Variants in DNAAF6 observed in about 807,000 individuals in gnomAD.
The protein encoded by DNAAF6 is PIH1 domain containing 3.
Under a neutral mutation model 13.7 loss-of-function variants are expected in DNAAF6, and 3 were observed. That is an observed-to-expected ratio of 0.22 (90% CI 0.10 to 0.56). The LOEUF is 0.56. Among genes scored for constraint, DNAAF6 ranks in the 20% least tolerant of loss-of-function variants. DNAAF6 has a pLI of 0.92. For missense variants in DNAAF6, 130 were observed against 151.0 expected (o/e 0.86, Z 0.73); for synonymous variants, 54 against 49.2 (o/e 1.10, Z -0.41).
Position 107,227,475 on chromosome X carries a change from G to A in DNAAF6, c.429+4634G>A, listed in dbSNP as rs946226798. On this transcript the variant is annotated intron_variant, in intron 5 of 6. Coordinates refer to ENST00000372453, the MANE Select transcript of DNAAF6 (RefSeq NM_173494.2). The stretch of plus-strand genomic sequence containing the variant: ...GTTCTCCATTCTATTCCCCTCTAGA[G>A]GATGGACCTAGTTTTTTTTTTTTGG... Among the ~76,000 whole-genome samples, 3 of 110,551 alleles carry A rather than the reference G, an allele frequency of 2.7e-5. No homozygotes were observed. In the Admixed American group the frequency reaches 2.9e-4, roughly 11 times the overall value.
chrX:107,216,755 A>T lies in DNAAF6; in HGVS notation c.226+12A>T. The T allele has an allele frequency of 8.7e-7, 1 of 1,144,743 alleles. No individual in the cohort carries two copies. Among genetic ancestry groups the T allele is most frequent in the African/African-American group, 1.8e-5 (1 of 56,296 alleles). 94.3% of individuals were successfully genotyped at this position (1,144,743 alleles called of 1,213,427 possible). On this transcript the variant is annotated intron_variant, in intron 3 of 6. Coordinates refer to ENST00000372453, the MANE Select transcript of DNAAF6 (RefSeq NM_173494.2). ...AGAAGAGCTCAAAGGTAAGTTATTTAACAAAGCAATATAGATCAATATAAT... is the reference window on the plus strand; with the variant it reads ...AGAAGAGCTCAAAGGTAAGTTATTTTACAAAGCAATATAGATCAATATAAT...
chrX:107,222,987 TAGAC>T (rs1928181156), intron 5 of DNAAF6, 146 bp downstream of exon 5: 1 of 749,946 alleles, frequency 1.3e-6, no homozygotes, highest in Non-Finnish European at 1.8e-6. Context: ...AACAATGGGA[TAGAC>T]AGTTTAAAAT....
intron 6 of DNAAF6, among the ~76,000 whole-genome samples, chrX:107,241,997 T>C (rs942988151): frequency 4.5e-5 from 5 of 112,302 alleles, no homozygotes; most frequent in Non-Finnish European, 7.5e-5. Context: ...GAAATCTAAG[T>C]CTAGCACAAC....
At position 107,218,746 on chromosome X, in the gene DNAAF6, T is replaced by C. The variant is rs749318156; in HGVS notation, c.227-118T>C. Reference sequence around the variant, plus strand: ...GTTTGTTTTGATCAAAAAAAAAAGCTAGCGATTACAAATAATGTTTTATTT... The same window carrying C: ...GTTTGTTTTGATCAAAAAAAAAAGCCAGCGATTACAAATAATGTTTTATTT... On this transcript the variant is annotated intron_variant, in intron 3 of 6. Transcript: ENST00000372453. 4 of 658,833 alleles carry C rather than the reference T, an allele frequency of 6.1e-6. No individual in the cohort carries two copies. The East Asian group carries it at 1.6e-4, about 27-fold the overall frequency. The allele number at this position is 658,833 out of a possible 1,213,427, so 54.3% of individuals were successfully genotyped here.
At position 107,208,022 on chromosome X, in the gene DNAAF6, G is replaced by A. The variant is rs185217561; in HGVS notation, c.-4+1332G>A. 4.0e-3 allele frequency among the ~76,000 whole-genome samples: 449 copies of A among 111,204 alleles called. 2 individuals carry two copies. Among genetic ancestry groups the A allele is most frequent in the Non-Finnish European group, 5.1e-3 (268 of 52,922 alleles). On this transcript the variant is annotated intron_variant, in intron 1 of 6. Transcript: ENST00000372453. ...GAGACTTGAGATAGATAAACGAAGA[G>A]AAAAAAATATTAAGTGTATTGTTTG...
chrX:107,227,561 G>A (rs978236595), intron 5 of DNAAF6, among the ~76,000 whole-genome samples: 1 of 109,485 alleles, frequency 9.1e-6, no homozygotes, highest in Admixed American at 9.8e-5. Flanking sequence ...TGTGGCACAG[G>A]GAAGGATATC....
intron 4 of DNAAF6, among the ~76,000 whole-genome samples, chrX:107,220,929 TTCTTTC>T (rs1569372961): frequency 1.2e-5 from 1 of 84,942 alleles, no homozygotes; most frequent in Non-Finnish European, 2.2e-5. Flanking sequence ...CTTTCTTTCT[TTCTTTC>T]TTTCTTTCTT....
At chrX:107,216,000 TG>T (rs1927970760) in intron 2 of DNAAF6, among the ~76,000 whole-genome samples, 1 of 111,650 alleles carries the variant, frequency 9.0e-6, no homozygotes. Context: ...GCAAGTCCTT[TG>T]GGGATGTGTA....
chrX:107,207,356 C>T (rs1286130952), intron 1 of DNAAF6: 1 of 111,486 alleles, frequency 9.0e-6, no homozygotes, highest in East Asian at 2.8e-4. Context: ...TTGGTGGGCC[C>T]GAGTGTACTG....
chrX:107,231,477 A>G (rs1203363748), intron 5 of DNAAF6, among the ~76,000 whole-genome samples: 1 of 112,183 alleles, frequency 8.9e-6, no homozygotes, highest in Admixed American at 9.5e-5. Flanking sequence ...TTCTGATTTT[A>G]AGAGTTCTAA....
intron 6 of DNAAF6, among the ~76,000 whole-genome samples, chrX:107,241,799 G>A (rs1029070496): frequency 1.8e-5 from 2 of 111,550 alleles, no homozygotes; most frequent in African/African-American, 6.5e-5. Context: ...GGCGTAGATG[G>A]ATCATTCCAA....
chrX:107,216,596 A>G lies in DNAAF6; in HGVS notation c.154-75A>G, dbSNP rs893232425. On this transcript the variant is annotated intron_variant, in intron 2 of 6. Coordinates refer to ENST00000372453, the MANE Select transcript of DNAAF6 (RefSeq NM_173494.2). The stretch of plus-strand genomic sequence containing the variant: ...GAGTTTTTTTATGGAAATCCTATCA[A>G]ATTTAAAGTATCACTAGTCATATAG... The G allele has an allele frequency of 5.9e-6, 4 of 680,130 alleles. No individual in the cohort carries two copies. In the Admixed American group the frequency reaches 1.2e-4, roughly 20 times the overall value. The allele number at this position is 680,130 out of a possible 1,213,427, so 56.1% of individuals were successfully genotyped here.
intron 4 of DNAAF6, among the ~76,000 whole-genome samples, chrX:107,221,910 C>CATAATAATAATAATA (rs35475398): frequency 6.1e-5 from 6 of 98,399 alleles, no homozygotes; most frequent in South Asian, 4.6e-4. Flanking sequence ...TAGCATTAAG[C>CATAATAATAATAATA]ATAATAATAA....
chrX:107,239,897 T>A (rs1928591239), intron 6 of DNAAF6, among the ~76,000 whole-genome samples: 1 of 112,181 alleles, frequency 8.9e-6, no homozygotes, highest in Non-Finnish European at 1.9e-5. Flanking sequence ...TGTACCCTTT[T>A]GTTGCATTTT....
At chrX:107,207,657 C>T (rs1310464465) in intron 1 of DNAAF6, among the ~76,000 whole-genome samples, 3 of 112,072 alleles carry the variant, frequency 2.7e-5, no homozygotes, top group South Asian at 3.7e-4. Flanking sequence ...CCAGGCCGAG[C>T]GCGGTGGCTC....
At chrX:107,224,210 C>T (rs189339118) in intron 5 of DNAAF6, among the ~76,000 whole-genome samples, 4 of 111,027 alleles carry the variant, frequency 3.6e-5, no homozygotes, top group African/African-American at 1.3e-4. Flanking sequence ...ATAAATGAAC[C>T]AATTTTATTA....
At chrX:107,224,984 CA>C (rs1569374156) in intron 5 of DNAAF6, among the ~76,000 whole-genome samples, 1 of 107,500 alleles carries the variant, frequency 9.3e-6, no homozygotes, top group Non-Finnish European at 1.9e-5. Flanking sequence ...AGGAAGAGAT[CA>C]ACTTCAAGTG....
chrX:107,236,485 A>G (rs1278274324), intron 5 of DNAAF6, among the ~76,000 whole-genome samples: 2 of 111,609 alleles, frequency 1.8e-5, no homozygotes, highest in Non-Finnish European at 3.8e-5. Context: ...ATGTGTCAGG[A>G]GTTGTTTTTC....
At chrX:107,238,394 T>G (rs1928563812) in intron 5 of DNAAF6, among the ~76,000 whole-genome samples, 1 of 111,394 alleles carries the variant, frequency 9.0e-6, no homozygotes, top group African/African-American at 3.3e-5. Flanking sequence ...GTTGTCCTTT[T>G]GGGGAGGTGG....
Sources: gnomAD v4.1 joint callset for allele counts (sites outside exome capture counted in the v4.1 genomes callset) on GRCh38, gnomAD v4.1.1 for gene constraint, MANE v1.5 for transcripts, NCBI Gene and HGNC (gene_info 2026-07-23, HGNC 2026-07-21) for gene names.